The following FAAH2 variants were observed in gnomAD, a reference collection of about 807,000 sequenced individuals.
FAAH2 encodes the protein fatty acid amide hydrolase 2.
FAAH2 carries 60 observed loss-of-function variants against 36.9 expected under a neutral mutation model. That is an observed-to-expected ratio of 1.63 (90% CI 1.32 to 2.02). The LOEUF is 2.02. Among genes scored for constraint, FAAH2 ranks in the 30% most tolerant of loss-of-function variants. The probability of loss-of-function intolerance (pLI) is 0.00; values close to 1 mark genes in which losing one functional copy is unlikely to be tolerated. For missense variants in FAAH2, 689 were observed against 397.5 expected, an observed-to-expected ratio of 1.73 and a Z score of -6.23; for synonymous variants, 214 against 143.8, an observed-to-expected ratio of 1.49 and a Z score of -3.49.
the FAAH2 span, among the ~76,000 whole-genome samples, chrX:57,233,516 C>T: frequency 5.4e-5 from 6 of 112,012 alleles, no homozygotes; most frequent in Admixed American, 1.9e-4. Context: ...AATAGAACTG[C>T]TTGCTGAGTT....
intron 5 of FAAH2, among the ~76,000 whole-genome samples, chrX:57,361,481 T>C (rs889929851): frequency 9.0e-6 from 1 of 111,386 alleles, no homozygotes; most frequent in African/African-American, 3.2e-5. Flanking sequence ...TGATATTTTG[T>C]ATTTCCATTT....
chrX:57,339,565 G>GAA (rs112109613), intron 4 of FAAH2, among the ~76,000 whole-genome samples: 70 of 109,589 alleles, frequency 6.4e-4, no homozygotes, highest in African/African-American at 1.7e-3. Flanking sequence ...AAATTTACAA[G>GAA]AAAAAAACAT....
the FAAH2 span, among the ~76,000 whole-genome samples, chrX:57,180,507 AAAATC>A: frequency 9.0e-6 from 1 of 111,644 alleles, no homozygotes. Flanking sequence ...ACACAACTAA[AAAATC>A]AAGAAGAAAT....
intron 10 of FAAH2, among the ~76,000 whole-genome samples, chrX:57,479,453 C>T (rs975470207): frequency 1.8e-5 from 2 of 111,520 alleles, no homozygotes; most frequent in African/African-American, 6.5e-5. Context: ...AATTTGACTT[C>T]CTCGTTTCCT....
chrX:57,248,574 A>G, the FAAH2 span, among the ~76,000 whole-genome samples: 1 of 108,871 alleles, frequency 9.2e-6, no homozygotes, highest in Non-Finnish European at 1.9e-5. Flanking sequence ...ATCAACATGG[A>G]AAAACCCCAT....
chrX:57,363,217 T>C (rs927081454), intron 5 of FAAH2, among the ~76,000 whole-genome samples: 2 of 111,942 alleles, frequency 1.8e-5, no homozygotes, highest in African/African-American at 6.5e-5. Flanking sequence ...CATAGAATGT[T>C]TTACTTTTTT....
At position 57,488,815 on chromosome X, in the gene FAAH2, A is replaced by G. The variant is rs1026727804; in HGVS notation, c.1482A>G (p.Lys494=). The change falls in exon 11 of 11, where the codon AAA becomes AAG. Residue 494 remains lysine, a synonymous_variant. Transcript: ENST00000374900. The part of the protein sequence containing the change: ...VTQCPLGLNA[K]GLPLGIQVVA... The stretch of plus-strand genomic sequence containing the variant: ...AATGCCCACTGGGACTGAATGCCAA[A>G]GGACTCCCTTTAGGCATCCAGGTTG... 1 of 1,211,497 alleles carries G rather than the reference A, an allele frequency of 8.3e-7. No individual in the cohort carries two copies. Among genetic ancestry groups the G allele is most frequent in the Non-Finnish European group, 1.1e-6 (1 of 895,417 alleles).
At chrX:57,243,711 A>T in the FAAH2 span, among the ~76,000 whole-genome samples, 1 of 111,872 alleles carries the variant, frequency 8.9e-6, no homozygotes, top group Non-Finnish European at 1.9e-5. Context: ...CAACATCAAC[A>T]AAAACAACCA....
At chrX:57,474,765 A>G (rs1420331473) in intron 10 of FAAH2, among the ~76,000 whole-genome samples, 2 of 112,071 alleles carry the variant, frequency 1.8e-5, no homozygotes, top group African/African-American at 6.5e-5. Context: ...CTGGTTCTAG[A>G]TCATTGAGGA....
At chrX:57,414,753 C>T (rs956944618) in intron 7 of FAAH2, among the ~76,000 whole-genome samples, 2 of 110,337 alleles carry the variant, frequency 1.8e-5, no homozygotes, top group Admixed American at 9.7e-5. Flanking sequence ...GGCGGATTCC[C>T]TCTGTTTCTA....
At chrX:57,441,052 T>C (rs1177147989) in intron 8 of FAAH2, among the ~76,000 whole-genome samples, 3 of 111,454 alleles carry the variant, frequency 2.7e-5, no homozygotes, top group African/African-American at 6.5e-5. Flanking sequence ...GAGATACTGG[T>C]CTAAAATTCT....
At chrX:57,445,883 C>T (rs1281343710) in intron 8 of FAAH2, among the ~76,000 whole-genome samples, 1 of 112,138 alleles carries the variant, frequency 8.9e-6, no homozygotes, top group African/African-American at 3.2e-5. Context: ...AGTGCAGCTC[C>T]AGGGTTTTTC....
chrX:57,148,206 G>A, the FAAH2 span, among the ~76,000 whole-genome samples: 1 of 111,632 alleles, frequency 9.0e-6, no homozygotes, highest in Admixed American at 9.5e-5. Flanking sequence ...GATGCCTCCG[G>A]CTTTGTTCTT....
At chrX:57,393,294 G>A (rs2055210799) in intron 7 of FAAH2, 1 of 1,061,324 alleles carries the variant, frequency 9.4e-7, no homozygotes, top group African/African-American at 1.8e-5. Context: ...TTGGGAAGAG[G>A]CATTCCAGCA....
chrX:57,327,893 T>C (rs2053265991), intron 3 of FAAH2, among the ~76,000 whole-genome samples: 1 of 111,992 alleles, frequency 8.9e-6, no homozygotes, highest in Non-Finnish European at 1.9e-5. Flanking sequence ...GTAGCTGCAT[T>C]CCTTTGGAAG....
the FAAH2 span, among the ~76,000 whole-genome samples, chrX:57,189,473 C>T: frequency 9.1e-6 from 1 of 109,377 alleles, no homozygotes; most frequent in African/African-American, 3.3e-5. Flanking sequence ...CATTCTGGTT[C>T]CTGGAATTTT....
At chrX:57,448,317 A>T (rs1292667213) in intron 9 of FAAH2, among the ~76,000 whole-genome samples, 1 of 112,667 alleles carries the variant, frequency 8.9e-6, no homozygotes, top group East Asian at 2.8e-4. Flanking sequence ...TGAACTATGC[A>T]GTAGCAGAGG....
intron 5 of FAAH2, among the ~76,000 whole-genome samples, chrX:57,345,802 CA>C (rs2053806159): frequency 9.0e-6 from 1 of 111,496 alleles, no homozygotes; most frequent in Non-Finnish European, 1.9e-5. Flanking sequence ...ACCTGAATCA[CA>C]AAGATTTTGG....
At chrX:57,280,543 A>AAT in the FAAH2 span, among the ~76,000 whole-genome samples, 1 of 110,520 alleles carries the variant, frequency 9.0e-6, no homozygotes, top group African/African-American at 3.3e-5. Context: ...TTTAAAAAAA[A>AAT]AATGGTGACT....
Sources: gnomAD v4.1 joint callset for allele counts (sites outside exome capture counted in the v4.1 genomes callset) on GRCh38, gnomAD v4.1.1 for gene constraint, MANE v1.5 for transcripts, NCBI Gene and HGNC (gene_info 2026-07-23, HGNC 2026-07-21) for gene names.